Variants in DIP2B observed in about 807,000 individuals in gnomAD.
DIP2B encodes DIP2 acetate--CoA ligase B (putative), also known as disco-interacting protein 2 homolog B.
Under a neutral mutation model 198.0 loss-of-function variants are expected in DIP2B, and 76 were observed. The observed-to-expected ratio is 0.38, with a 90% CI of 0.32 to 0.46. The LOEUF (loss-of-function observed/expected upper bound fraction) is 0.46. Ranked by LOEUF, DIP2B falls within the 20% of genes least tolerant of loss-of-function variation. The pLI, the probability that DIP2B is intolerant of heterozygous loss-of-function variation, is 0.99. For synonymous variants in DIP2B, 701 were observed against 739.1 expected (o/e 0.95, Z 0.84); for missense variants, 1,559 against 1,978.4 (o/e 0.79, Z 4.02).
chr12:50,578,455 G>T lies in DIP2B; in HGVS notation c.101-47521G>T, dbSNP rs539852743. 5.9e-5 allele frequency among the ~76,000 whole-genome samples: 9 copies of T among 151,262 alleles called. No individual in the cohort carries two copies. In the South Asian group the frequency reaches 1.9e-3, roughly 32 times the overall value. On this transcript the variant is annotated intron_variant, in intron 1 of 37. Coordinates refer to ENST00000301180, the MANE Select transcript of DIP2B (RefSeq NM_173602.3). Reference sequence around the variant, plus strand: ...TCATTATATAGAATCAAAAAACCACGCCTGGCCCTAAACAATATTTCAATA... The same window carrying T: ...TCATTATATAGAATCAAAAAACCACTCCTGGCCCTAAACAATATTTCAATA...
intron 21 of DIP2B, among the ~76,000 whole-genome samples, chr12:50,707,031 T>C (rs1024205801): frequency 1.3e-5 from 2 of 152,252 alleles, no homozygotes; most frequent in Non-Finnish European, 2.9e-5. Context: ...TAGATGCTAC[T>C]CTGTAGGCAT....
intron 4 of DIP2B, among the ~76,000 whole-genome samples, chr12:50,660,908 G>T (rs1341411196): frequency 1.3e-5 from 2 of 151,884 alleles, no homozygotes; most frequent in African/African-American, 4.8e-5. Flanking sequence ...TTTTTATAAC[G>T]GGGTCATGAG....
At chr12:50,721,045 G>T (rs531556204) in intron 25 of DIP2B, among the ~76,000 whole-genome samples, 12 of 152,202 alleles carry the variant, frequency 7.9e-5, no homozygotes, top group Admixed American at 6.5e-4. Flanking sequence ...CTGGGCTCAA[G>T]CAGTGCTCCC....
chr12:50,677,125 T>A (rs1938959722), intron 7 of DIP2B, among the ~76,000 whole-genome samples: 1 of 152,194 alleles, frequency 6.6e-6, no homozygotes, highest in African/African-American at 2.4e-5. Context: ...TCTTTTCTCA[T>A]CTCTTGTTCA....
At chr12:50,575,110 A>G (rs890560460) in intron 1 of DIP2B, among the ~76,000 whole-genome samples, 6 of 150,086 alleles carry the variant, frequency 4.0e-5, no homozygotes, top group Admixed American at 6.6e-5. Context: ...TTCTTTCGAC[A>G]TTCTCCCCTT....
At chr12:50,660,846 G>T (rs1043414744) in intron 4 of DIP2B, among the ~76,000 whole-genome samples, 5 of 152,126 alleles carry the variant, frequency 3.3e-5, no homozygotes, top group African/African-American at 1.2e-4. Context: ...GTGTTTATGT[G>T]TGTGTGTGTT....
At chr12:50,533,941 T>C (rs2139366479) in intron 1 of DIP2B, among the ~76,000 whole-genome samples, 1 of 152,204 alleles carries the variant, frequency 6.6e-6, no homozygotes, top group Non-Finnish European at 1.5e-5. Context: ...GGGAGAAACT[T>C]TTTTCCCCCC....
chr12:50,702,734 T>TTAA (rs1215757648), intron 19 of DIP2B, among the ~76,000 whole-genome samples: 1 of 40,624 alleles, frequency 2.5e-5, no homozygotes, highest in Non-Finnish European at 3.8e-5. Flanking sequence ...CCTCATCTCT[T>TTAA]AAAAAAAAAA....
At chr12:50,528,189 A>C (rs1375775334) in intron 1 of DIP2B, among the ~76,000 whole-genome samples, 3 of 150,910 alleles carry the variant, frequency 2.0e-5, no homozygotes, top group Non-Finnish European at 4.4e-5. Flanking sequence ...AGCCTTCCAA[A>C]GTGTTGGGAT....
intron 4 of DIP2B, among the ~76,000 whole-genome samples, chr12:50,660,590 T>C (rs977952698): frequency 3.3e-5 from 5 of 152,178 alleles, no homozygotes; most frequent in African/African-American, 1.2e-4. Context: ...TCCCCAGACT[T>C]ATGTAGTCAT....
In DIP2B at chr12:50,741,383, C is replaced by CG. The variant is rs755341271; in HGVS notation, c.4355-33_4355-32insG. 3.7e-6 allele frequency: 6 copies of CG among 1,607,040 alleles called. No individual in the cohort carries two copies. In the South Asian group the frequency reaches 6.6e-5, roughly 18 times the overall value. ...TGTTATGTTGCACTCAGTATATGTCCAAGCCACATTTCTCTCTTTTTCTTT... is the reference window on the plus strand; with the variant it reads ...TGTTATGTTGCACTCAGTATATGTCCGAAGCCACATTTCTCTCTTTTTCTTT... On this transcript the variant is annotated intron_variant, in intron 36 of 37. Transcript: ENST00000301180.
chr12:50,658,547 T>TCAG (rs1373030439), intron 3 of DIP2B, among the ~76,000 whole-genome samples: 2 of 152,228 alleles, frequency 1.3e-5, no homozygotes, highest in African/African-American at 4.8e-5. Context: ...TACTTTGATC[T>TCAG]CAGCAGTTTT....
chr12:50,549,159 G>T (rs1335700473), intron 1 of DIP2B, among the ~76,000 whole-genome samples: 1 of 151,270 alleles, frequency 6.6e-6, no homozygotes, highest in Non-Finnish European at 1.5e-5. Context: ...GGACGAAAGT[G>T]GGGGCTGGTT....
rs34202995 is a variant in DIP2B, at chr12:50,537,114, A to ATTTTTTTTTTTTTTTTTT, written c.100+31884_100+31901dup. Among the ~76,000 whole-genome samples the ATTTTTTTTTTTTTTTTTT allele has an allele frequency of 1.3e-3, 43 of 32,222 alleles. 7 individuals are homozygous for ATTTTTTTTTTTTTTTTTT. Among genetic ancestry groups the ATTTTTTTTTTTTTTTTTT allele is most frequent in the East Asian group, 8.5e-3 (4 of 468 alleles). 21.1% of individuals were successfully genotyped at this position (32,222 alleles called of 152,430 possible). The stretch of plus-strand genomic sequence containing the variant: ...CAGATTGCTTGTTTATTATTCTCTA[A>ATTTTTTTTTTTTTTTTTT]TTTTTTTTTTTTTTTTTTTTTTTTT... On this transcript the variant is annotated intron_variant, in intron 1 of 37. Coordinates refer to ENST00000301180, the MANE Select transcript of DIP2B (RefSeq NM_173602.3).
chr12:50,560,251 C>T (rs762750051), intron 1 of DIP2B, among the ~76,000 whole-genome samples: 9 of 151,740 alleles, frequency 5.9e-5, no homozygotes, highest in Non-Finnish European at 8.8e-5. Context: ...AAAAATTAGC[C>T]GGGTGTGGTG....
Position 50,600,894 on chromosome 12 carries a change from T to C in DIP2B, c.101-25082T>C, listed in dbSNP as rs10649077. Among the ~76,000 whole-genome samples the C allele has an allele frequency of 8.0e-3, 975 of 121,590 alleles. 5 individuals carry two copies. The highest frequency in any genetic ancestry group is 0.016 in the Middle Eastern group (4 of 254). 79.8% of individuals were successfully genotyped at this position (121,590 alleles called of 152,430 possible). On this transcript the variant is annotated intron_variant, in intron 1 of 37. Transcript: ENST00000301180. ...ACCACCATCACCACCATGACCACCA[T>C]CACCACCACCACCACCACCACCACC...
intron 27 of DIP2B, 145 bp from the exon 28 acceptor site, chr12:50,724,630 C>T (rs1939897894): frequency 1.6e-6 from 1 of 642,034 alleles, no homozygotes. Flanking sequence ...AAGGGAGTAA[C>T]ACTGACCTCG....
chr12:50,546,048 TG>T (rs1479041490), intron 1 of DIP2B, among the ~76,000 whole-genome samples: 1 of 152,232 alleles, frequency 6.6e-6, no homozygotes, highest in East Asian at 1.9e-4. Flanking sequence ...ATATAGCAGG[TG>T]GCAGTGCCTG....
At chr12:50,621,554 G>A (rs1279971774) in intron 1 of DIP2B, among the ~76,000 whole-genome samples, 1 of 152,158 alleles carries the variant, frequency 6.6e-6, no homozygotes, top group Non-Finnish European at 1.5e-5. Flanking sequence ...CCAGGCTGTG[G>A]GTGGGCTACA....
Sources: gnomAD v4.1 joint callset for allele counts (sites outside exome capture counted in the v4.1 genomes callset) on GRCh38, gnomAD v4.1.1 for gene constraint, MANE v1.5 for transcripts, NCBI Gene and HGNC (gene_info 2026-07-23, HGNC 2026-07-21) for gene names.